Variants in HTR1F observed in about 807,000 individuals in gnomAD.
HTR1F encodes 5-hydroxytryptamine receptor 1F, also known as 5-hydroxytryptamine (serotonin) receptor 1F, G protein-coupled.
HTR1F carries 17 observed loss-of-function variants against 24.0 expected under a neutral mutation model. The observed-to-expected ratio is 0.71, with a 90% CI of 0.48 to 1.06. The LOEUF is 1.06. HTR1F is among the 50% of genes least tolerant of loss of function. The probability of loss-of-function intolerance (pLI) is 0.00; values close to 1 mark genes in which losing one functional copy is unlikely to be tolerated. For missense variants in HTR1F, 391 were observed against 427.8 expected, an observed-to-expected ratio of 0.91 and a Z score of 0.76; for synonymous variants, 186 against 156.8, an observed-to-expected ratio of 1.19 and a Z score of -1.39.
chr3:87,916,871 G>A (rs748076342), intron 2 of HTR1F, among the ~76,000 whole-genome samples: 21 of 152,178 alleles, frequency 1.4e-4, no homozygotes, highest in Non-Finnish European at 2.5e-4. Flanking sequence ...GGACTTAACA[G>A]CTATATGCAG....
intron 2 of HTR1F, among the ~76,000 whole-genome samples, chr3:87,853,682 AG>A (rs1441349437): frequency 3.3e-5 from 5 of 152,198 alleles, no homozygotes; most frequent in African/African-American, 1.2e-4. Context: ...TCCCACCAAC[AG>A]TGTATAAGCG....
chr3:87,799,995 T>C (rs754304888), intron 1 of HTR1F, among the ~76,000 whole-genome samples: 12 of 152,212 alleles, frequency 7.9e-5, no homozygotes, highest in Non-Finnish European at 1.6e-4. Flanking sequence ...GTCAGACTAC[T>C]CTTAGATGGG....
At chr3:87,884,865 CA>C (rs1559618557) in intron 2 of HTR1F, among the ~76,000 whole-genome samples, 1 of 152,090 alleles carries the variant, frequency 6.6e-6, no homozygotes, top group African/African-American at 2.4e-5. Context: ...TAGAGACCTA[CA>C]AAAAGACTTA....
At chr3:87,894,994 TAAAGTCAAAATAGTAA>T (rs553516511) in intron 2 of HTR1F, among the ~76,000 whole-genome samples, 1 of 152,274 alleles carries the variant, frequency 6.6e-6, no homozygotes, top group Non-Finnish European at 1.5e-5. Flanking sequence ...ATCACTATTG[TAAAGTCAAAATAGTAA>T]ATTGGGTATT....
At chr3:87,893,779 A>C (rs1344878749) in intron 2 of HTR1F, among the ~76,000 whole-genome samples, 1 of 152,220 alleles carries the variant, frequency 6.6e-6, no homozygotes, top group African/African-American at 2.4e-5. Flanking sequence ...CTCTAAGAAG[A>C]CAAAGCAAAT....
chr3:87,904,120 G>A lies in HTR1F; in HGVS notation c.-43+81996G>A, dbSNP rs1259872424. ...CAGTAGCTAATAAGCATAAAAAAAC[G>A]TTTACAACATCATTAATCCTCAGAA... is the stretch of plus-strand genomic sequence containing the variant. On this transcript the variant is annotated intron_variant, in intron 2 of 2. Coordinates refer to ENST00000319595, the MANE Select transcript of HTR1F (RefSeq NM_001322209.2). Among the ~76,000 whole-genome samples, 8 of 151,982 alleles carry A rather than the reference G, an allele frequency of 5.3e-5. No individual in the cohort carries two copies. The East Asian group carries it at 5.8e-4, about 11-fold the overall frequency.
intron 2 of HTR1F, among the ~76,000 whole-genome samples, chr3:87,935,526 G>C (rs1436715212): frequency 2.0e-5 from 3 of 151,154 alleles, no homozygotes; most frequent in African/African-American, 7.3e-5. Flanking sequence ...AAGGTCTTCC[G>C]CTAAATGAAA....
chr3:87,923,519 G>GT (rs536179508), intron 2 of HTR1F, among the ~76,000 whole-genome samples: 39 of 150,594 alleles, frequency 2.6e-4, no homozygotes, highest in Non-Finnish European at 4.4e-4. Context: ...TTGCTTTCTT[G>GT]TTTTTTTTAA....
At chr3:87,807,003 C>T (rs572047698) in intron 1 of HTR1F, among the ~76,000 whole-genome samples, 68 of 152,032 alleles carry the variant, frequency 4.5e-4, no homozygotes, top group African/African-American at 1.4e-3. Context: ...TGTTTTTGTA[C>T]CAGTACCATG....
intron 2 of HTR1F, among the ~76,000 whole-genome samples, chr3:87,978,731 A>G (rs1705454135): frequency 6.7e-6 from 1 of 149,360 alleles, no homozygotes; most frequent in Non-Finnish European, 1.5e-5. Flanking sequence ...AGAAGGGAAG[A>G]AGTGAGTGCT....
intron 2 of HTR1F, among the ~76,000 whole-genome samples, chr3:87,900,823 A>T (rs760244229): frequency 1.2e-4 from 19 of 152,186 alleles, no homozygotes; most frequent in Non-Finnish European, 2.5e-4. Context: ...GTTTGGAAGA[A>T]GGAGCAGAAA....
At position 87,947,767 on chromosome 3, in the gene HTR1F, T is replaced by C. The variant is rs568441150; in HGVS notation, c.-42-42941T>C. Among the ~76,000 whole-genome samples, 27 of 140,594 alleles carry C rather than the reference T, an allele frequency of 1.9e-4. No homozygotes were observed. The East Asian group carries it at 5.4e-3, about 28-fold the overall frequency. 92.2% of individuals were successfully genotyped at this position (140,594 alleles called of 152,430 possible). The stretch of plus-strand genomic sequence containing the variant: ...AAAATGTTTGACACAAAGTAACTGC[T>C]CAAAAATATTAATCATCTTTATATT... On this transcript the variant is annotated intron_variant, in intron 2 of 2. Coordinates refer to ENST00000319595, the MANE Select transcript of HTR1F (RefSeq NM_001322209.2).
chr3:87,953,934 TAGAA>T (rs1241148787), intron 2 of HTR1F, among the ~76,000 whole-genome samples: 1 of 151,664 alleles, frequency 6.6e-6, no homozygotes, highest in African/African-American at 2.4e-5. Flanking sequence ...AAGACAGACA[TAGAA>T]AGACAAATGT....
chr3:87,891,122 T>C (rs1706073303), intron 2 of HTR1F, among the ~76,000 whole-genome samples: 1 of 152,190 alleles, frequency 6.6e-6, no homozygotes, highest in Non-Finnish European at 1.5e-5. Context: ...ATTACAGACA[T>C]GAGCCACCGC....
At chr3:87,930,208 T>C (rs1704227862) in intron 2 of HTR1F, among the ~76,000 whole-genome samples, 2 of 152,344 alleles carry the variant, frequency 1.3e-5, no homozygotes, top group East Asian at 1.9e-4. Flanking sequence ...GTTTTCTAGA[T>C]ATAGAATAGT....
At chr3:87,864,994 G>C (rs987379801) in intron 2 of HTR1F, among the ~76,000 whole-genome samples, 2 of 151,658 alleles carry the variant, frequency 1.3e-5, no homozygotes, top group African/African-American at 4.8e-5. Context: ...TTTTTTTCCA[G>C]CATCTGTCTG....
intron 2 of HTR1F, among the ~76,000 whole-genome samples, chr3:87,842,996 C>A (rs1291944383): frequency 6.6e-6 from 1 of 151,722 alleles, no homozygotes; most frequent in Non-Finnish European, 1.5e-5. Flanking sequence ...TAAAGGTTTC[C>A]CAGTTCGGAC....
At chr3:87,964,067 C>T (rs1189217683) in intron 2 of HTR1F, among the ~76,000 whole-genome samples, 1 of 152,102 alleles carries the variant, frequency 6.6e-6, no homozygotes, top group Non-Finnish European at 1.5e-5. Context: ...TGTCTTTTTC[C>T]TCTAACACCC....
intron 2 of HTR1F, among the ~76,000 whole-genome samples, chr3:87,941,106 G>C (rs1207166806): frequency 1.3e-5 from 2 of 152,188 alleles, no homozygotes; most frequent in South Asian, 2.1e-4. Context: ...GTCTTGCCTT[G>C]TTGGCAAGTT....
Sources: allele counts gnomAD v4.1 joint callset (sites outside exome capture counted in the v4.1 genomes callset), GRCh38; gene constraint gnomAD v4.1.1; transcripts MANE v1.5; gene names NCBI Gene and HGNC (gene_info 2026-07-23, HGNC 2026-07-21).